Variants in FRMD8 observed in about 807,000 individuals in gnomAD.
The protein encoded by FRMD8 is FERM domain-containing protein 8.
Under a neutral mutation model 54.2 loss-of-function variants are expected in FRMD8, and 37 were observed. That is an observed-to-expected ratio of 0.68 (90% CI 0.53 to 0.90). The LOEUF (loss-of-function observed/expected upper bound fraction) is 0.90, where lower values mean the gene tolerates loss of function less well. Among genes scored for constraint, FRMD8 ranks in the 40% least tolerant of loss-of-function variants. FRMD8 has a pLI of 0.00. For missense variants in FRMD8, 585 were observed against 653.7 expected (o/e 0.89, Z 1.15); for synonymous variants, 246 against 286.9 (o/e 0.86, Z 1.44).
At chr11:65,376,019 G>A in the FRMD8 span, 141 of 196,266 alleles carry the variant, frequency 7.2e-4, no homozygotes, top group South Asian at 6.6e-3. Context: ...GCAGTGAGCC[G>A]AGATCACGCC....
chr11:65,405,241 TTC>T (rs1341353017), intron 10 of FRMD8, among the ~76,000 whole-genome samples, 173 bp downstream of exon 10: 1 of 152,250 alleles, frequency 6.6e-6, no homozygotes, highest in Non-Finnish European at 1.5e-5. Flanking sequence ...CATAGTGCCT[TTC>T]CTGTCCCTTC....
At chr11:65,373,592 A>G in the FRMD8 span, among the ~76,000 whole-genome samples, 54 of 151,988 alleles carry the variant, frequency 3.6e-4, no homozygotes, top group Non-Finnish European at 2.1e-4. Flanking sequence ...AATTATTATC[A>G]TTATTATTAT....
At position 65,404,532 on chromosome 11, in the gene FRMD8, C is replaced by T. The variant is rs535653682; in HGVS notation, c.1072-332C>T. Among the ~76,000 whole-genome samples the T allele has an allele frequency of 1.4e-3, 209 of 151,182 alleles. No homozygotes were observed. The highest frequency in any genetic ancestry group is 4.8e-3 in the African/African-American group (197 of 41,120). ...CGCCTCCCCGCCCCGCTTCCCCACT[C>T]TTCGTCCTCTCTGCAGCAGCTGGCT... On this transcript the variant is annotated intron_variant, in intron 9 of 10. Transcript: ENST00000317568. The surrounding 1 kb of genome is among the most constrained non-coding windows in gnomAD (Gnocchi z 4.7).
chr11:65,378,711 C>CT, the FRMD8 span: 1 of 152,410 alleles, frequency 6.6e-6, no homozygotes, highest in Admixed American at 6.5e-5. Flanking sequence ...GCGACCCTGG[C>CT]TTGCGGCTGG....
In FRMD8 at chr11:65,404,161, G is replaced by A. The variant is rs1590658690; in HGVS notation, c.1072-703G>A. Among the ~76,000 whole-genome samples the A allele has an allele frequency of 6.6e-6, 1 of 152,314 alleles. No individual in the cohort carries two copies. The highest frequency in any genetic ancestry group is 2.1e-4 in the South Asian group (1 of 4,832). ...GCATCTGACCCAGCCCCACCAGTCA[G>A]GAGCACAGGTGGCCATTCCTGTCTA... On this transcript the variant is annotated intron_variant, in intron 9 of 10. Transcript: ENST00000317568. The surrounding 1 kb of genome is among the most constrained non-coding windows in gnomAD (Gnocchi z 4.7).
At position 65,404,943 on chromosome 11, in the gene FRMD8, C is replaced by T. The variant is rs544911956; in HGVS notation, c.1151C>T (p.Ala384Val). Residue 384 changes from alanine (A) to valine (V), a missense_variant, in exon 10 of 11, where the codon GCG becomes GTG. Transcript: ENST00000317568. This position sits in a 1 kb window ranked among gnomAD's most constrained non-coding sequence, Gnocchi z 4.7. ...GAGCCCGCAGGCCCCCAGGACAGTG[C>T]GACTGGCTCGCCCTCGGACCCCAGC... ...AAEPAGPQDS[A>V]TGSPSDPSSS... 16 of 1,613,210 alleles carry T rather than the reference C, an allele frequency of 9.9e-6. No individual in the cohort carries two copies. Among genetic ancestry groups the T allele is most frequent in the Middle Eastern group, 1.7e-4 (1 of 6,060 alleles).
At chr11:65,382,179 G>T (rs946083941), upstream of FRMD8, 2 of 577,068 alleles carry the variant, frequency 3.5e-6, no homozygotes, top group Non-Finnish European at 6.2e-6. This position sits in a 1 kb window ranked among gnomAD's most constrained non-coding sequence, Gnocchi z 4.4. Context: ...TCACGGGCCA[G>T]GCGTGCCGGG....
chr11:65,401,267 C>T (rs537229293), intron 9 of FRMD8, among the ~76,000 whole-genome samples: 4 of 151,600 alleles, frequency 2.6e-5, no homozygotes, highest in South Asian at 2.1e-4. Flanking sequence ...CCCCTTCATT[C>T]GTCGTGTTTT....
intron 4 of FRMD8, 66 bp from the exon 5 acceptor site, chr11:65,393,975 C>A: frequency 7.7e-6 from 12 of 1,557,540 alleles, no homozygotes; most frequent in Non-Finnish European, 1.1e-5. Context: ...GGGCCTGGGC[C>A]AATCGGGAGA....
the FRMD8 span, among the ~76,000 whole-genome samples, chr11:65,372,254 A>G: frequency 1.3e-5 from 2 of 152,070 alleles, no homozygotes; most frequent in Non-Finnish European, 2.9e-5. Flanking sequence ...TTCCTGCCCC[A>G]TCTTTGTCTT....
chr11:65,384,635 C>T (rs1345537921), upstream of FRMD8, among the ~76,000 whole-genome samples: 1 of 152,244 alleles, frequency 6.6e-6, no homozygotes, highest in East Asian at 1.9e-4. Context: ...GCCCCACACA[C>T]AGCAAGTGAG....
chr11:65,385,291 G>A (rs188740727), upstream of FRMD8, among the ~76,000 whole-genome samples: 356 of 152,318 alleles, frequency 2.3e-3, 15 homozygotes, highest in Admixed American at 0.02. Flanking sequence ...CCACATCTGA[G>A]CTTCCTCAAG....
chr11:65,377,512 C>G, the FRMD8 span: 1 of 708,036 alleles, frequency 1.4e-6, no homozygotes, highest in Non-Finnish European at 1.8e-6. Flanking sequence ...AAGGAGGTCC[C>G]CTCGTGAGTG....
rs1306129298 is a variant in FRMD8, at chr11:65,411,374, G to T, written c.*14G>T. The T allele has an allele frequency of 2.0e-6, 3 of 1,531,770 alleles. No homozygotes were observed. Among genetic ancestry groups the T allele is most frequent in the East Asian group, 4.8e-5 (2 of 41,632 alleles). The allele number at this position is 1,531,770 out of a possible 1,614,324, so 94.9% of individuals were successfully genotyped here. On this transcript the variant is annotated 3_prime_UTR_variant, in exon 11 of 11. Transcript: ENST00000317568. ...GAGCAGGGCTGAGGACGCTGCACCCGGCAGGAGGAGGGCGACTGGGGGCCC... is the reference window on the plus strand; with the variant it reads ...GAGCAGGGCTGAGGACGCTGCACCCTGCAGGAGGAGGGCGACTGGGGGCCC...
the FRMD8 span, among the ~76,000 whole-genome samples, chr11:65,372,633 G>A: frequency 6.6e-6 from 1 of 152,134 alleles, no homozygotes; most frequent in South Asian, 2.1e-4. Context: ...TTGAGTTTAG[G>A]AGCAGAGGTT....
chr11:65,393,540 G>T (rs188004154), intron 3 of FRMD8, 33 bp from the exon 4 acceptor site: 1 of 1,549,402 alleles, frequency 6.5e-7, no homozygotes, highest in Non-Finnish European at 8.8e-7. Flanking sequence ...CTGGCCGGAG[G>T]CTGCATGGGC....
chr11:65,380,080 C>T, the FRMD8 span: 5 of 1,594,294 alleles, frequency 3.1e-6, no homozygotes, highest in South Asian at 1.1e-5. Context: ...GGCACCCTGA[C>T]ATTTGGGTCA....
At chr11:65,380,680 C>T in the FRMD8 span, 3 of 1,083,180 alleles carry the variant, frequency 2.8e-6, no homozygotes. Context: ...TCTCCCCTCC[C>T]CTCCACCTGC....
chr11:65,412,463 G>A lies in FRMD8; in HGVS notation c.*1103G>A, dbSNP rs1856357318. Reference sequence around the variant, plus strand: ...CTTTATCGAGGACACTTGGAAAGGTGACTGATATGGGTGCTTGGCTTCTCT... The same window carrying A: ...CTTTATCGAGGACACTTGGAAAGGTAACTGATATGGGTGCTTGGCTTCTCT... On this transcript the variant is annotated 3_prime_UTR_variant, in exon 11 of 11. Transcript: ENST00000317568. 6.6e-6 allele frequency: 1 copy of A among 152,326 alleles called. No individual in the cohort carries two copies. Among genetic ancestry groups the A allele is most frequent in the African/African-American group, 2.4e-5 (1 of 41,478 alleles). 9.4% of individuals were successfully genotyped at this position (152,326 alleles called of 1,614,324 possible).
Sources: allele counts gnomAD v4.1 joint callset (sites outside exome capture counted in the v4.1 genomes callset), GRCh38; gene constraint gnomAD v4.1.1; non-coding constraint Gnocchi (gnomAD v3.1); transcripts MANE v1.5; gene names NCBI Gene and HGNC (gene_info 2026-07-23, HGNC 2026-07-21).